ERP44: variants seen among roughly 807,000 people sequenced by gnomAD.
ERP44 encodes the protein endoplasmic reticulum resident protein 44.
In ERP44, 25 loss-of-function variants were observed where a neutral mutation model predicts 53.4. That is an observed-to-expected ratio of 0.47 (90% CI 0.34 to 0.65). ERP44 has a LOEUF of 0.65. ERP44 is among the 30% of genes least tolerant of loss of function. The pLI is 0.01. For synonymous variants in ERP44, 145 were observed against 161.2 expected (o/e 0.90, Z 0.76); for missense variants, 338 against 493.2 (o/e 0.69, Z 2.98).
chr9:100,061,413 C>T (rs1002947134), intron 1 of ERP44, among the ~76,000 whole-genome samples: 4 of 150,652 alleles, frequency 2.7e-5, no homozygotes, highest in Admixed American at 6.6e-5. Flanking sequence ...CACTGCACTC[C>T]AGCCTGGGCA....
chr9:100,065,807 AAG>A (rs762720498), intron 1 of ERP44, among the ~76,000 whole-genome samples: 2 of 152,228 alleles, frequency 1.3e-5, no homozygotes, highest in Non-Finnish European at 2.9e-5. Flanking sequence ...CATCAGGTAA[AAG>A]AGGTTATCAA....
At chr9:99,984,655 T>C (rs1322042844) in intron 11 of ERP44, among the ~76,000 whole-genome samples, 1 of 152,228 alleles carries the variant, frequency 6.6e-6, no homozygotes, top group Non-Finnish European at 1.5e-5. Context: ...TTCACTGATT[T>C]ATCTGCTTTA....
At chr9:100,013,131 T>G (rs903460250) in intron 8 of ERP44, among the ~76,000 whole-genome samples, 2 of 152,198 alleles carry the variant, frequency 1.3e-5, no homozygotes, top group Non-Finnish European at 2.9e-5. Context: ...GCTGGAAGCC[T>G]CTGGAAAGAT....
chr9:100,055,504 C>G (rs1278131239), intron 3 of ERP44, among the ~76,000 whole-genome samples: 1 of 152,182 alleles, frequency 6.6e-6, no homozygotes, highest in African/African-American at 2.4e-5. Flanking sequence ...TCCCAAGTAG[C>G]TGGGATTACA....
intron 11 of ERP44, among the ~76,000 whole-genome samples, chr9:99,983,169 G>C (rs928297035): frequency 6.6e-6 from 1 of 152,170 alleles, no homozygotes; most frequent in African/African-American, 2.4e-5. Flanking sequence ...GAAATAAAGA[G>C]GAAAGCAAAC....
intron 4 of ERP44, among the ~76,000 whole-genome samples, chr9:100,046,940 G>C (rs541352187): frequency 9.5e-4 from 144 of 152,212 alleles, no homozygotes; most frequent in African/African-American, 3.3e-3. Flanking sequence ...GTATAGAAGA[G>C]ACAGAACAAA....
intron 1 of ERP44, among the ~76,000 whole-genome samples, chr9:100,084,420 T>C (rs1265448185): frequency 6.6e-6 from 1 of 152,230 alleles, no homozygotes; most frequent in East Asian, 1.9e-4. Flanking sequence ...GATGACTGTG[T>C]ATACTTTTAA....
At chr9:100,077,279 A>G (rs1453590864) in intron 1 of ERP44, among the ~76,000 whole-genome samples, 1 of 152,202 alleles carries the variant, frequency 6.6e-6, no homozygotes, top group East Asian at 1.9e-4. Flanking sequence ...ACAACTAAAG[A>G]AGTGTGGCAG....
chr9:100,032,373 A>G (rs1283759748), intron 4 of ERP44, among the ~76,000 whole-genome samples: 1 of 152,236 alleles, frequency 6.6e-6, no homozygotes, highest in Non-Finnish European at 1.5e-5. Flanking sequence ...CTTAAAACTA[A>G]TAAGTGCTTA....
intron 3 of ERP44, among the ~76,000 whole-genome samples, chr9:100,057,079 C>T (rs1314221053): frequency 6.6e-6 from 1 of 152,180 alleles, no homozygotes; most frequent in Non-Finnish European, 1.5e-5. Context: ...AAGTAAATGA[C>T]AGGACTGTGG....
intron 1 of ERP44, 119 bp downstream of exon 1, chr9:100,098,665 A>G: frequency 1.3e-6 from 1 of 794,478 alleles, no homozygotes; most frequent in Non-Finnish European, 2.0e-6. Context: ...GGGAGGGTGC[A>G]CTCCAAAACA....
chr9:100,006,666 T>G lies in ERP44; in HGVS notation c.875-19A>C. 1 of 1,527,616 alleles carries G rather than the reference T, an allele frequency of 6.5e-7. No homozygotes were observed. The highest frequency in any genetic ancestry group is 8.8e-7 in the Non-Finnish European group (1 of 1,130,986). 94.6% of individuals were successfully genotyped at this position (1,527,616 alleles called of 1,614,324 possible). A position where few individuals can be genotyped will look rare whatever the true frequency, so the allele number is the denominator to read the frequency against. On this transcript the variant is annotated intron_variant, in intron 9 of 11. Coordinates refer to ENST00000262455, the MANE Select transcript of ERP44 (RefSeq NM_015051.3). ...ATTGTACCTTTAAGAAAAAAGAATT[T>G]TGAGAGGTAAATTCAAATTTTCTTG...
intron 11 of ERP44, among the ~76,000 whole-genome samples, chr9:99,983,099 T>A (rs1830164528): frequency 6.6e-6 from 1 of 152,158 alleles, no homozygotes; most frequent in African/African-American, 2.4e-5. Context: ...TGGCATCCAC[T>A]CTGTAGATAT....
chr9:99,986,758 A>G (rs1830199071), intron 10 of ERP44, among the ~76,000 whole-genome samples: 1 of 152,210 alleles, frequency 6.6e-6, no homozygotes, highest in African/African-American at 2.4e-5. Context: ...ACAAATACAA[A>G]TGACTGTCAG....
chr9:100,044,567 T>C (rs1032796425), intron 4 of ERP44, among the ~76,000 whole-genome samples: 8 of 152,210 alleles, frequency 5.3e-5, no homozygotes, highest in Admixed American at 1.3e-4. Context: ...CTCAAAATGC[T>C]GGCAAAAGCC....
At chr9:100,003,814 G>A (rs1163202244) in intron 10 of ERP44, among the ~76,000 whole-genome samples, 1 of 151,396 alleles carries the variant, frequency 6.6e-6, no homozygotes, top group Non-Finnish European at 1.5e-5. Context: ...GAGTGGGCCT[G>A]GGTCAAGAGT....
At chr9:99,993,353 C>T (rs1830276036) in intron 10 of ERP44, among the ~76,000 whole-genome samples, 1 of 152,088 alleles carries the variant, frequency 6.6e-6, no homozygotes, top group Non-Finnish European at 1.5e-5. Flanking sequence ...TCAGAAATAA[C>T]ACCATACATC....
intron 4 of ERP44, among the ~76,000 whole-genome samples, chr9:100,051,009 C>G (rs2118705387): frequency 6.6e-6 from 1 of 152,306 alleles, no homozygotes; most frequent in South Asian, 2.1e-4. Context: ...AGAACCCACA[C>G]CAAAAACATC....
Position 100,060,174 on chromosome 9 carries a change from T to C in ERP44, c.58-2A>G, listed in dbSNP as rs868483306. ...TACAGGAGTAAAAACCCAAGTTACCTGAAAATTTAAAAAATGAGAAATTAA... is the reference window on the plus strand; with the variant it reads ...TACAGGAGTAAAAACCCAAGTTACCCGAAAATTTAAAAAATGAGAAATTAA... On this transcript the variant is annotated splice_acceptor_variant, in intron 1 of 11. Coordinates refer to ENST00000262455, the MANE Select transcript of ERP44 (RefSeq NM_015051.3). LOFTEE classifies it high-confidence loss of function. 1.3e-6 allele frequency: 2 copies of C among 1,497,494 alleles called. No homozygotes were observed. The highest frequency in any genetic ancestry group is 1.4e-5 in the African/African-American group (1 of 69,894). 92.8% of individuals were successfully genotyped at this position (1,497,494 alleles called of 1,614,324 possible). A position where few individuals can be genotyped will look rare whatever the true frequency, so the allele number is the denominator to read the frequency against.
Sources: allele counts gnomAD v4.1 joint callset (sites outside exome capture counted in the v4.1 genomes callset), GRCh38; gene constraint gnomAD v4.1.1; transcripts MANE v1.5; gene names NCBI Gene and HGNC (gene_info 2026-07-23, HGNC 2026-07-21).